GABBR2: variants seen among roughly 807,000 people sequenced by gnomAD.
GABBR2 encodes G-protein coupled receptor 51.
In GABBR2, 23 loss-of-function variants were observed where a neutral mutation model predicts 105.6. The ratio of observed to expected loss-of-function variants is 0.22; its 90% CI spans 0.16 to 0.31. The LOEUF (loss-of-function observed/expected upper bound fraction) is 0.31, where lower values mean the gene tolerates loss of function less well. GABBR2 is among the 10% of genes least tolerant of loss of function. The pLI, the probability that GABBR2 is intolerant of heterozygous loss-of-function variation, is 1.00. For synonymous variants in GABBR2, 478 were observed against 499.7 expected (o/e 0.96, Z 0.58); for missense variants, 734 against 1,245.5 (o/e 0.59, Z 6.18).
intron 2 of GABBR2, among the ~76,000 whole-genome samples, chr9:98,549,226 G>A (rs1167278563): frequency 1.6e-5 from 2 of 122,312 alleles, no homozygotes; most frequent in African/African-American, 2.6e-5. Context: ...GATTACAGGC[G>A]TGAGCCACTG....
intron 2 of GABBR2, among the ~76,000 whole-genome samples, chr9:98,551,692 T>C (rs1828488970): frequency 6.6e-6 from 1 of 152,194 alleles, no homozygotes; most frequent in African/African-American, 2.4e-5. Context: ...AGGGCCTGCA[T>C]ACTGAACCAT....
At chr9:98,509,900 A>G (rs953628459) in intron 3 of GABBR2, among the ~76,000 whole-genome samples, 5 of 152,088 alleles carry the variant, frequency 3.3e-5, no homozygotes, top group East Asian at 1.9e-4. Context: ...CCAACATTCA[A>G]ATTCAGGAAA....
At chr9:98,575,776 C>A (rs1014201198) in intron 2 of GABBR2, among the ~76,000 whole-genome samples, 10 of 152,152 alleles carry the variant, frequency 6.6e-5, no homozygotes, top group Non-Finnish European at 1.3e-4. Context: ...AGGTTTGCAC[C>A]AGAGCACATG....
At chr9:98,490,056 G>A (rs920386741) in intron 4 of GABBR2, among the ~76,000 whole-genome samples, 5 of 152,164 alleles carry the variant, frequency 3.3e-5, no homozygotes, top group African/African-American at 7.2e-5. Context: ...TCGTGCCACC[G>A]CACTCCAGCC....
chr9:98,320,819 G>A (rs961128576), intron 13 of GABBR2, among the ~76,000 whole-genome samples: 7 of 142,404 alleles, frequency 4.9e-5, no homozygotes, highest in African/African-American at 1.9e-4. Flanking sequence ...CACACTCTGG[G>A]GACTGTTGTG....
At chr9:98,503,377 G>C (rs1431781121) in intron 3 of GABBR2, among the ~76,000 whole-genome samples, 3 of 152,116 alleles carry the variant, frequency 2.0e-5, no homozygotes, top group African/African-American at 7.2e-5. Flanking sequence ...ATCAGGTCTC[G>C]GCCCTAAGCA....
intron 14 of GABBR2, among the ~76,000 whole-genome samples, chr9:98,309,184 C>G (rs1194856260): frequency 2.0e-5 from 3 of 152,194 alleles, no homozygotes; most frequent in Non-Finnish European, 4.4e-5. Flanking sequence ...TTAAATATAG[C>G]TTTTGTTGAC....
chr9:98,563,319 C>G (rs138172163), intron 2 of GABBR2, among the ~76,000 whole-genome samples: 7 of 152,142 alleles, frequency 4.6e-5, no homozygotes, highest in Non-Finnish European at 1.0e-4. Context: ...ACAAAGGAGA[C>G]GCTGCCTCGA....
chr9:98,395,119 A>AGCG, intron 8 of GABBR2, among the ~76,000 whole-genome samples: 1 of 152,164 alleles, frequency 6.6e-6, no homozygotes, highest in Non-Finnish European at 1.5e-5. Flanking sequence ...ACTGGCCCAG[A>AGCG]GTGGTGGCAG....
chr9:98,499,430 A>ACCAGAACAGG (rs2131675513), intron 3 of GABBR2, among the ~76,000 whole-genome samples: 1 of 152,308 alleles, frequency 6.6e-6, no homozygotes, highest in South Asian at 2.1e-4. Flanking sequence ...GGCCCGATGA[A>ACCAGAACAGG]CCAGAACAGG....
In GABBR2 at chr9:98,454,104, C is replaced by T. The variant is rs775602723; in HGVS notation, c.1113G>A (p.Arg371=). 3 of 1,613,784 alleles carry T rather than the reference C, an allele frequency of 1.9e-6. No homozygotes were observed. The highest frequency in any genetic ancestry group is 2.5e-6 in the Non-Finnish European group (3 of 1,179,848). Reference sequence around the variant, plus strand: ...TGCTGGCATGCAGTGTCTCCATGGCCCTCTGCAGTGTCTTGGCGATGACCC... The same window carrying T: ...TGCTGGCATGCAGTGTCTCCATGGCTCTCTGCAGTGTCTTGGCGATGACCC... The part of the protein sequence containing the change: ...GIWVIAKTLQ[R]AMETLHASSR... The change falls in exon 7 of 19, where the codon AGG becomes AGA. Residue 371 remains arginine (R), a synonymous_variant. Coordinates refer to ENST00000259455, the MANE Select transcript of GABBR2 (RefSeq NM_005458.8). The surrounding 1 kb of genome is among the most constrained non-coding windows in gnomAD (Gnocchi z 4.6).
At chr9:98,652,402 A>G (rs1166526403) in intron 1 of GABBR2, among the ~76,000 whole-genome samples, 1 of 152,058 alleles carries the variant, frequency 6.6e-6, no homozygotes, top group Non-Finnish European at 1.5e-5. Context: ...GCAGAAGTTA[A>G]CCTCATTTTA....
chr9:98,426,441 G>A (rs1588154508), intron 7 of GABBR2, among the ~76,000 whole-genome samples: 1 of 152,190 alleles, frequency 6.6e-6, no homozygotes, highest in Non-Finnish European at 1.5e-5. Flanking sequence ...GTACTGGCTA[G>A]GACAGTCTCC....
intron 12 of GABBR2, among the ~76,000 whole-genome samples, chr9:98,369,466 C>A (rs1358518451): frequency 6.6e-6 from 1 of 152,064 alleles, no homozygotes; most frequent in East Asian, 1.9e-4. Context: ...CCCACAGAAT[C>A]ACAGCTAAGG....
At chr9:98,321,558 G>C (rs1830823240) in intron 13 of GABBR2, among the ~76,000 whole-genome samples, 1 of 152,180 alleles carries the variant, frequency 6.6e-6, no homozygotes, top group Admixed American at 6.5e-5. Context: ...GTAGTCCAGG[G>C]ACAAGCCTGA....
intron 1 of GABBR2, among the ~76,000 whole-genome samples, chr9:98,669,741 T>C (rs542779892): frequency 6.6e-6 from 1 of 152,136 alleles, no homozygotes; most frequent in East Asian, 1.9e-4. Context: ...ACTCCACAAA[T>C]ACATGTGGAA....
At chr9:98,513,566 A>C (rs1473455631) in intron 3 of GABBR2, among the ~76,000 whole-genome samples, 17 of 152,030 alleles carry the variant, frequency 1.1e-4, no homozygotes, top group Non-Finnish European at 2.2e-4. Context: ...ACAAAAAAAA[A>C]ACAAACAACC....
intron 13 of GABBR2, among the ~76,000 whole-genome samples, chr9:98,341,548 G>A (rs1831213567): frequency 6.6e-6 from 1 of 152,240 alleles, no homozygotes; most frequent in Admixed American, 6.5e-5. Flanking sequence ...GATGGTTATT[G>A]CGGCTGAGCG....
intron 6 of GABBR2, among the ~76,000 whole-genome samples, chr9:98,470,706 T>C (rs1339785805): frequency 6.6e-6 from 1 of 152,238 alleles, no homozygotes; most frequent in Non-Finnish European, 1.5e-5. Flanking sequence ...AACCTTGCAC[T>C]GGCATGACTC....
Sources: allele counts gnomAD v4.1 joint callset (sites outside exome capture counted in the v4.1 genomes callset), GRCh38; gene constraint gnomAD v4.1.1; non-coding constraint Gnocchi (gnomAD v3.1); transcripts MANE v1.5; gene names NCBI Gene and HGNC (gene_info 2026-07-23, HGNC 2026-07-21).